PSMA5: variants seen among roughly 807,000 people sequenced by gnomAD.
PSMA5 encodes the protein proteasome subunit alpha type-5.
Under a neutral mutation model 34.5 loss-of-function variants are expected in PSMA5, and 3 were observed. The observed-to-expected ratio is 0.09, with a 90% CI of 0.04 to 0.22. The LOEUF is 0.22. PSMA5 is among the 10% of genes least tolerant of loss of function. The pLI is 1.00. For synonymous variants in PSMA5, 88 were observed against 95.8 expected, an observed-to-expected ratio of 0.92 and a Z score of 0.47; for missense variants, 120 against 286.1, an observed-to-expected ratio of 0.42 and a Z score of 4.19.
chr1:109,412,389 G>A, intron 4 of PSMA5: 7 of 490,158 alleles, frequency 1.4e-5, no homozygotes, highest in South Asian at 2.9e-5. Context: ...AGGACTCTAC[G>A]CAACGACGGA....
Position 109,401,050 on chromosome 1 carries a change from A to G in PSMA5, c.*963T>C, listed in dbSNP as rs1469657497. 6.6e-6 allele frequency: 1 copy of G among 152,206 alleles called. No individual in the cohort carries two copies. Among genetic ancestry groups the G allele is most frequent in the African/African-American group, 2.4e-5 (1 of 41,456 alleles). 9.4% of individuals were successfully genotyped at this position (152,206 alleles called of 1,614,324 possible). Reference sequence around the variant, plus strand: ...CTTCATCTGTTAAGTAGTGATACTGATACCATCTTCCCGTGGTAATTTTTG... The same window carrying G: ...CTTCATCTGTTAAGTAGTGATACTGGTACCATCTTCCCGTGGTAATTTTTG... On this transcript the variant is annotated 3_prime_UTR_variant, in exon 9 of 9. Transcript: ENST00000271308.
chr1:109,411,624 A>C (rs1434366395), intron 6 of PSMA5, among the ~76,000 whole-genome samples: 4 of 151,998 alleles, frequency 2.6e-5, no homozygotes, highest in African/African-American at 9.7e-5. Flanking sequence ...ATCTTTTTTT[A>C]ATGTATTTTT....
chr1:109,421,462 CAAA>C (rs947075141), intron 2 of PSMA5, among the ~76,000 whole-genome samples: 2 of 73,696 alleles, frequency 2.7e-5, no homozygotes. Context: ...GACTCCATCT[CAAA>C]AAAAAAAAAA....
intron 4 of PSMA5, chr1:109,412,637 A>T (rs574509299): frequency 4.7e-5 from 8 of 169,772 alleles, no homozygotes; most frequent in African/African-American, 2.0e-4. Flanking sequence ...TTTAAAAAAA[A>T]AAAAAACAGT....
Position 109,426,440 on chromosome 1 carries a change from G to C in PSMA5, c.-110C>G, listed in dbSNP as rs1026090348. 7.2e-7 allele frequency: 1 copy of C among 1,386,968 alleles called. No individual in the cohort carries two copies. The allele number at this position is 1,386,968 out of a possible 1,614,324, so 85.9% of individuals were successfully genotyped here. The stretch of plus-strand genomic sequence containing the variant: ...CTCACCCACACGGCCGCAGTACTAA[G>C]GACCAACTGCGCGTGCGACCGCGAC... On this transcript the variant is annotated 5_prime_UTR_variant, in exon 1 of 9. Transcript: ENST00000271308.
intron 1 of PSMA5, among the ~76,000 whole-genome samples, chr1:109,423,054 A>G (rs1020972405): frequency 1.3e-5 from 2 of 152,258 alleles, no homozygotes; most frequent in Admixed American, 6.5e-5. Context: ...TGAGCACACA[A>G]TGGACACAAA....
intron 8 of PSMA5, among the ~76,000 whole-genome samples, chr1:109,407,449 T>C (rs1483241662): frequency 1.3e-5 from 2 of 152,084 alleles, no homozygotes; most frequent in Non-Finnish European, 2.9e-5. Context: ...TGAAAGCTGG[T>C]TCTATGGGTG....
chr1:109,418,733 C>T (rs1357108722), intron 2 of PSMA5, among the ~76,000 whole-genome samples: 1 of 151,998 alleles, frequency 6.6e-6, no homozygotes, highest in African/African-American at 2.4e-5. Context: ...GGATGAGCAA[C>T]AATGTCCACA....
In PSMA5 at chr1:109,409,976, G is replaced by A. The variant is rs1653928961; in HGVS notation, c.600C>T (p.Ile200=). The A allele has an allele frequency of 6.8e-6, 11 of 1,609,354 alleles. No homozygotes were observed. The highest frequency in any genetic ancestry group is 9.4e-6 in the Non-Finnish European group (11 of 1,176,442). The change falls in exon 8 of 9, where the codon ATC becomes ATT. Residue 200 remains isoleucine, a synonymous_variant. Transcript: ENST00000271308. The stretch of plus-strand genomic sequence containing the variant: ...TCTCCTCCATTACTTGTTTGAGGAT[G>A]ATGAGTGAAGACTTGATGGCTTCTT... ...TLKEAIKSSL[I]ILKQVMEEKL...
At chr1:109,420,054 ACTTTGGAATGCATTAT>A (rs1035330001) in intron 2 of PSMA5, among the ~76,000 whole-genome samples, 26 of 152,098 alleles carry the variant, frequency 1.7e-4, no homozygotes, top group African/African-American at 6.3e-4. Flanking sequence ...ACCTGGAGAG[ACTTTGGAATGCATTAT>A]TGATCATCCT....
chr1:109,415,491 A>G, intron 2 of PSMA5, 128 bp from the exon 3 acceptor site: 1 of 875,482 alleles, frequency 1.1e-6, no homozygotes, highest in Non-Finnish European at 1.6e-6. Context: ...GGCAGAGAGA[A>G]GGAGCACCCT....
At chr1:109,409,609 A>G (rs541031346) in intron 8 of PSMA5, among the ~76,000 whole-genome samples, 30 of 152,356 alleles carry the variant, frequency 2.0e-4, no homozygotes, top group African/African-American at 6.7e-4. Flanking sequence ...CAGCTATGAT[A>G]TCTGAATAAA....
chr1:109,411,059 G>A lies in PSMA5; in HGVS notation c.513C>T (p.Gly171=). The A allele has an allele frequency of 6.2e-7, 1 of 1,613,764 alleles. No homozygotes were observed. The highest frequency in any genetic ancestry group is 8.5e-7 in the Non-Finnish European group (1 of 1,179,856). Residue 171 remains glycine (G), a synonymous_variant, in exon 7 of 9, where the codon GGC becomes GGT. Transcript: ENST00000271308. ...TFVQCDARAI[G]SASEGAQSSL... is the part of the protein sequence containing the mutation. ...AGCTCTGGGCACCCTCTGAAGCAGA[G>A]CCAATTGCTCGAGCATCACACTGTA...
At chr1:109,410,948 T>A (rs1653962121) in intron 7 of PSMA5, 63 bp downstream of exon 7, 1 of 1,273,846 alleles carries the variant, frequency 7.9e-7, no homozygotes, top group Non-Finnish European at 1.1e-6. Context: ...GTTTGCACAT[T>A]TTATTATATG....
chr1:109,402,843 TTA>T lies in PSMA5; in HGVS notation c.649-755_649-754del, dbSNP rs1653593684. On this transcript the variant is annotated intron_variant, in intron 8 of 8. Transcript: ENST00000271308. ...GCCTCAGCCTCTCGAGTAGCTGGGA[TTA>T]CAGACATGCGCCACCACACCCGGCT... Among the ~76,000 whole-genome samples, 3 of 152,112 alleles carry T rather than the reference TTA, an allele frequency of 2.0e-5. No individual in the cohort carries two copies. The South Asian group carries it at 6.2e-4, about 32-fold the overall frequency.
intron 1 of PSMA5, 45 bp from the exon 2 acceptor site, chr1:109,421,971 C>A: frequency 8.1e-7 from 1 of 1,241,376 alleles, no homozygotes; most frequent in Non-Finnish European, 1.1e-6. Flanking sequence ...TAAAAACTAG[C>A]CATGTAGACA....
At chr1:109,411,828 A>C (rs1216360295) in intron 6 of PSMA5, 49 bp downstream of exon 6, 2 of 1,542,602 alleles carry the variant, frequency 1.3e-6, no homozygotes, top group African/African-American at 2.7e-5. Context: ...CCCCAAATTA[A>C]AATAATTCCC....
intron 6 of PSMA5, 92 bp from the exon 7 acceptor site, chr1:109,411,205 G>A: frequency 1.2e-6 from 1 of 813,740 alleles, no homozygotes; most frequent in South Asian, 1.6e-5. Context: ...TAAATGCTTG[G>A]CCCTGCAGCC....
Position 109,399,818 on chromosome 1 carries a change from C to T in PSMA5, c.*2195G>A, listed in dbSNP as rs150693756. The T allele has an allele frequency of 8.9e-4, 136 of 152,234 alleles. No individual in the cohort carries two copies. Among genetic ancestry groups the T allele is most frequent in the African/African-American group, 3.0e-3 (126 of 41,542 alleles). 9.4% of individuals were successfully genotyped at this position (152,234 alleles called of 1,614,324 possible). ...TTTCATTTTTGTCTAATGAGATTGACATTAAATATAAAAGTGGCACTGTCA... is the reference window on the plus strand; with the variant it reads ...TTTCATTTTTGTCTAATGAGATTGATATTAAATATAAAAGTGGCACTGTCA... On this transcript the variant is annotated 3_prime_UTR_variant, in exon 9 of 9. Transcript: ENST00000271308.
Sources: allele counts gnomAD v4.1 joint callset (sites outside exome capture counted in the v4.1 genomes callset), GRCh38; gene constraint gnomAD v4.1.1; transcripts MANE v1.5; gene names NCBI Gene and HGNC (gene_info 2026-07-23, HGNC 2026-07-21).